The following PRR5L variants were observed in gnomAD, a reference collection of about 807,000 sequenced individuals.
PRR5L encodes proline rich 5 like, also known as proline-rich protein 5-like.
A neutral mutation model predicts 36.4 loss-of-function variants in PRR5L; 21 were observed. The observed-to-expected ratio is 0.58, with a 90% CI of 0.41 to 0.83. The LOEUF is 0.83. Ranked by LOEUF, PRR5L falls within the 40% of genes least tolerant of loss-of-function variation. The pLI is 0.00. For synonymous variants in PRR5L, 188 were observed against 197.0 expected (o/e 0.95, Z 0.38); for missense variants, 381 against 473.3 (o/e 0.80, Z 1.81).
intron 1 of PRR5L, among the ~76,000 whole-genome samples, chr11:36,338,329 C>G (rs1314227170): frequency 6.6e-6 from 1 of 152,198 alleles, no homozygotes; most frequent in Non-Finnish European, 1.5e-5. Context: ...CACTTTCTCT[C>G]CATTCATTCA....
intron 6 of PRR5L, among the ~76,000 whole-genome samples, chr11:36,443,923 T>C (rs780710120): frequency 6.6e-6 from 1 of 152,238 alleles, no homozygotes; most frequent in Non-Finnish European, 1.5e-5. Flanking sequence ...TAGGCTCTCT[T>C]ATACACTGTT....
intron 1 of PRR5L, among the ~76,000 whole-genome samples, chr11:36,330,406 T>G (rs1185140803): frequency 6.6e-6 from 1 of 152,228 alleles, no homozygotes; most frequent in African/African-American, 2.4e-5. Flanking sequence ...TGAACCCCTA[T>G]CTCCTCTATT....
chr11:36,386,808 T>C (rs2133536067), intron 1 of PRR5L, among the ~76,000 whole-genome samples: 1 of 152,322 alleles, frequency 6.6e-6, no homozygotes, highest in Middle Eastern at 3.4e-3. Flanking sequence ...AGAGTAGAAA[T>C]TAACTGAGGG....
chr11:36,313,126 A>G (rs1236474159), intron 1 of PRR5L, among the ~76,000 whole-genome samples: 1 of 152,186 alleles, frequency 6.6e-6, no homozygotes. Flanking sequence ...TGTAAAAACA[A>G]CTCTAAAAGT....
Position 36,373,441 on chromosome 11 carries a change from C to T in PRR5L, c.-125-27556C>T, listed in dbSNP as rs1277374227. Among the ~76,000 whole-genome samples the T allele has an allele frequency of 2.0e-5, 3 of 150,712 alleles. No individual in the cohort carries two copies. The South Asian group carries it at 6.2e-4, about 31-fold the overall frequency. On this transcript the variant is annotated intron_variant, in intron 1 of 8. Coordinates refer to ENST00000530639, the MANE Select transcript of PRR5L (RefSeq NM_001160167.2). ...ATTTCCATGGAAATACTGACTACTT[C>T]TCCTCTTAAGAAAATTCTGGCTTGG...
chr11:36,367,493 C>T (rs1857155711), intron 1 of PRR5L, among the ~76,000 whole-genome samples: 1 of 152,204 alleles, frequency 6.6e-6, no homozygotes, highest in South Asian at 2.1e-4. Context: ...CTCTCACTGC[C>T]TTCAAATGGA....
intron 1 of PRR5L, among the ~76,000 whole-genome samples, chr11:36,351,333 T>A (rs185093132): frequency 2.3e-4 from 17 of 72,686 alleles, no homozygotes; most frequent in East Asian, 1.6e-3. Flanking sequence ...AATATTTATA[T>A]ATATTTATAA....
intron 3 of PRR5L, among the ~76,000 whole-genome samples, chr11:36,409,259 T>C (rs1280917995): frequency 6.6e-6 from 1 of 152,134 alleles, no homozygotes; most frequent in Admixed American, 6.6e-5. Flanking sequence ...CTGGGAGGAC[T>C]TTTTCTCGGC....
intron 1 of PRR5L, among the ~76,000 whole-genome samples, chr11:36,313,114 A>G (rs2133456763): frequency 6.6e-6 from 1 of 152,308 alleles, no homozygotes; most frequent in Non-Finnish European, 1.5e-5. Flanking sequence ...GCTTAATGCC[A>G]TTGTAAAAAC....
At chr11:36,391,014 T>C (rs980260825) in intron 1 of PRR5L, among the ~76,000 whole-genome samples, 6 of 90,336 alleles carry the variant, frequency 6.6e-5, no homozygotes, top group Non-Finnish European at 1.5e-4. Context: ...ACGCTGGGCT[T>C]TCTGACTGCA....
chr11:36,462,077 C>T (rs1196059932), intron 8 of PRR5L, among the ~76,000 whole-genome samples: 9 of 152,162 alleles, frequency 5.9e-5, no homozygotes, highest in Non-Finnish European at 1.5e-5. Context: ...ATTCCCTTGA[C>T]TCTTATCTGT....
intron 6 of PRR5L, among the ~76,000 whole-genome samples, chr11:36,439,484 C>G (rs1407490435): frequency 6.6e-6 from 1 of 152,192 alleles, no homozygotes; most frequent in Non-Finnish European, 1.5e-5. Context: ...CAATGACTGA[C>G]TTGAATTCTG....
intron 6 of PRR5L, 64 bp downstream of exon 6, chr11:36,437,540 C>T (rs1488867125): frequency 1.0e-5 from 10 of 975,142 alleles, no homozygotes; most frequent in Admixed American, 2.3e-5. Context: ...CTGGCCCTTG[C>T]GGCCTGAGGG....
At chr11:36,349,216 G>A (rs976418686) in intron 1 of PRR5L, among the ~76,000 whole-genome samples, 8 of 151,136 alleles carry the variant, frequency 5.3e-5, no homozygotes, top group Middle Eastern at 6.8e-3. Flanking sequence ...CCCGCGAGGC[G>A]GAGGTTGCAG....
chr11:36,382,425 TGGCCAAGGAA>T (rs1441645822), intron 1 of PRR5L, among the ~76,000 whole-genome samples: 1 of 152,224 alleles, frequency 6.6e-6, no homozygotes, highest in African/African-American at 2.4e-5. Flanking sequence ...AATTCCTTGA[TGGCCAAGGAA>T]GCATGGTCTA....
intron 1 of PRR5L, chr11:36,329,051 A>G (rs1377062227): frequency 6.6e-6 from 1 of 152,244 alleles, no homozygotes; most frequent in African/African-American, 2.4e-5. Context: ...CTATGGAGAC[A>G]AAACAAAAAC....
chr11:36,323,567 T>C (rs1173179714), intron 1 of PRR5L: 2 of 152,264 alleles, frequency 1.3e-5, no homozygotes, highest in African/African-American at 4.8e-5. Flanking sequence ...GTGTGTGCCA[T>C]GACATGAAAA....
chr11:36,430,918 C>A (rs1231793240), intron 4 of PRR5L, among the ~76,000 whole-genome samples: 1 of 152,158 alleles, frequency 6.6e-6, no homozygotes, highest in Admixed American at 6.6e-5. Context: ...ATGGAGAAGG[C>A]TAAAGAATGC....
At chr11:36,445,492 A>G (rs942556204) in intron 6 of PRR5L, among the ~76,000 whole-genome samples, 2 of 152,076 alleles carry the variant, frequency 1.3e-5, no homozygotes, top group Non-Finnish European at 2.9e-5. Flanking sequence ...TGTTGTATGT[A>G]TTGTGTAAAG....
Sources: allele counts gnomAD v4.1 joint callset (sites outside exome capture counted in the v4.1 genomes callset), GRCh38; gene constraint gnomAD v4.1.1; transcripts MANE v1.5; gene names NCBI Gene and HGNC (gene_info 2026-07-23, HGNC 2026-07-21).